Variants in RAC3 observed in about 807,000 individuals in gnomAD.
RAC3 encodes ras-related C3 botulinum toxin substrate 3.
RAC3 carries 9 observed loss-of-function variants against 19.0 expected under a neutral mutation model. That is an observed-to-expected ratio of 0.47 (90% CI 0.29 to 0.83). RAC3 has a LOEUF of 0.83. Ranked by LOEUF, RAC3 falls within the 40% of genes least tolerant of loss-of-function variation. The probability of loss-of-function intolerance (pLI) is 0.09; values close to 1 mark genes in which losing one functional copy is unlikely to be tolerated. For missense variants in RAC3, 203 were observed against 260.8 expected, an observed-to-expected ratio of 0.78 and a Z score of 1.53; for synonymous variants, 146 against 111.8, an observed-to-expected ratio of 1.31 and a Z score of -1.93.
chr17:82,032,367 G>C lies in RAC3; in HGVS notation c.36-20G>C. 1 of 1,612,144 alleles carries C rather than the reference G, an allele frequency of 6.2e-7. No homozygotes were observed. The stretch of plus-strand genomic sequence containing the variant: ...GTCCGAGGCCGGGCCCGGGAGCCAC[G>C]TGGCTTGCCCTGTCCGCAGCGCCGT... On this transcript the variant is annotated intron_variant, in intron 1 of 5. Transcript: ENST00000306897.
At position 82,033,129 on chromosome 17, in the gene RAC3, G is replaced by T; in HGVS notation, c.288+120G>T. ...GCCTGGGGTAGGCACACGGAGTGGG[G>T]TCTGAAGATGACCATGGGGGCTGAT... is the stretch of plus-strand genomic sequence containing the variant. On this transcript the variant is annotated intron_variant, in intron 4 of 5. Transcript: ENST00000306897. This position sits in a 1 kb window ranked among gnomAD's most constrained non-coding sequence, Gnocchi z 6.2. 8.7e-7 allele frequency: 1 copy of T among 1,147,404 alleles called. No homozygotes were observed. Among genetic ancestry groups the T allele is most frequent in the Non-Finnish European group, 1.3e-6 (1 of 783,828 alleles). The allele number at this position is 1,147,404 out of a possible 1,614,324, so 71.1% of individuals were successfully genotyped here.
rs1598459735 is a variant in RAC3 at position 82,034,005 on chromosome 17, TG to T, written c.*180del. The T allele has an allele frequency of 2.5e-6, 2 of 808,612 alleles. No homozygotes were observed. Among genetic ancestry groups the T allele is most frequent in the Admixed American group, 6.4e-5 (2 of 31,102 alleles). 50.1% of individuals were successfully genotyped at this position (808,612 alleles called of 1,614,324 possible). ...TCCTGTCCTCTCTGCCGCCTCATTCTGGGGTGTGGCTCCAGCCTTCCCTGGC... is the reference window on the plus strand; with the variant it reads ...TCCTGTCCTCTCTGCCGCCTCATTCTGGGTGTGGCTCCAGCCTTCCCTGGC... On this transcript the variant is annotated 3_prime_UTR_variant, in exon 6 of 6. Transcript: ENST00000306897.
At position 82,033,875 on chromosome 17, in the gene RAC3, G is replaced by T; in HGVS notation, c.*46G>T. ...TGAGGGCTGGCGGGGAGCAGCCCTG[G>T]ACGTGTCCGCTGTTGTGTTGAGACG... is the stretch of plus-strand genomic sequence containing the variant. On this transcript the variant is annotated 3_prime_UTR_variant, in exon 6 of 6. Transcript: ENST00000306897. This position sits in a 1 kb window ranked among gnomAD's most constrained non-coding sequence, Gnocchi z 6.2. The T allele has an allele frequency of 1.9e-6, 3 of 1,548,622 alleles. No individual in the cohort carries two copies. Among genetic ancestry groups the T allele is most frequent in the Non-Finnish European group, 2.6e-6 (3 of 1,145,148 alleles).
rs778919568 is a variant in RAC3, at chr17:82,033,026, G to A, written c.288+17G>A. On this transcript the variant is annotated intron_variant, in intron 4 of 5. Coordinates refer to ENST00000306897, the MANE Select transcript of RAC3 (RefSeq NM_005052.3). This position sits in a 1 kb window ranked among gnomAD's most constrained non-coding sequence, Gnocchi z 6.2. The stretch of plus-strand genomic sequence containing the variant: ...CGTGCCAAGGTAGGGCAAGGCTGGG[G>A]GCCCCTGTGGGGAGAGGGCTTGCCC... The A allele has an allele frequency of 6.2e-7, 1 of 1,608,880 alleles. No homozygotes were observed. The highest frequency in any genetic ancestry group is 8.5e-7 in the Non-Finnish European group (1 of 1,176,376).
intron 1 of RAC3, 116 bp from the exon 2 acceptor site, chr17:82,032,271 C>T (rs976384899): frequency 3.2e-6 from 3 of 935,152 alleles, no homozygotes; most frequent in Middle Eastern, 3.1e-4. Context: ...GGCTGGGTCC[C>T]CCTCTCGACC....
chr17:82,032,056 C>T (rs1215813806), intron 1 of RAC3: 2 of 271,514 alleles, frequency 7.4e-6, no homozygotes, highest in African/African-American at 4.5e-5. Flanking sequence ...GGGCCGCCGC[C>T]CTGTCCTCCC....
chr17:82,032,646 G>A lies in RAC3; in HGVS notation c.108-65G>A, dbSNP rs76131134. The A allele has an allele frequency of 1.2e-3, 1,767 of 1,511,156 alleles. 15 individuals are homozygous for A. The African/African-American group carries it at 0.021, about 18-fold the overall frequency. The allele number at this position is 1,511,156 out of a possible 1,614,324, so 93.6% of individuals were successfully genotyped here. A position where few individuals can be genotyped will look rare whatever the true frequency, so the allele number is the denominator to read the frequency against. On this transcript the variant is annotated intron_variant, in intron 2 of 5. Transcript: ENST00000306897. ...CAGACTTGTGAACCCCAAGACACAG[G>A]CCAGCAGGGCTGGGGGTTTCTGGGA...
intron 1 of RAC3, 76 bp from the exon 2 acceptor site, chr17:82,032,311 G>C: frequency 6.8e-7 from 1 of 1,472,668 alleles, no homozygotes; most frequent in Admixed American, 1.7e-5. Context: ...CTCTGGCTCC[G>C]GGAGAGGGGG....
rs2043439516 is a variant in RAC3 at position 82,032,374 on chromosome 17, G to A, written c.36-13G>A. The A allele has an allele frequency of 3.7e-6, 6 of 1,612,218 alleles. No individual in the cohort carries two copies. Among genetic ancestry groups the A allele is most frequent in the African/African-American group, 1.3e-5 (1 of 75,012 alleles). On this transcript the variant is annotated splice_polypyrimidine_tract_variant and intron_variant, in intron 1 of 5. Transcript: ENST00000306897. ...GCCGGGCCCGGGAGCCACGTGGCTT[G>A]CCCTGTCCGCAGCGCCGTGGGGAAG...
At position 82,033,124 on chromosome 17, in the gene RAC3, G is replaced by C; in HGVS notation, c.288+115G>C. ...GTTCTGCCTGGGGTAGGCACACGGA[G>C]TGGGGTCTGAAGATGACCATGGGGG... On this transcript the variant is annotated intron_variant, in intron 4 of 5. Coordinates refer to ENST00000306897, the MANE Select transcript of RAC3 (RefSeq NM_005052.3). The surrounding 1 kb of genome is among the most constrained non-coding windows in gnomAD (Gnocchi z 6.2). The C allele has an allele frequency of 8.3e-7, 1 of 1,210,898 alleles. No homozygotes were observed. Among genetic ancestry groups the C allele is most frequent in the Non-Finnish European group, 1.2e-6 (1 of 837,470 alleles). 75.0% of individuals were successfully genotyped at this position (1,210,898 alleles called of 1,614,324 possible).
chr17:82,032,177 C>G, intron 1 of RAC3: 1 of 587,050 alleles, frequency 1.7e-6, no homozygotes. Context: ...TGTGGGGCGC[C>G]CTGCGCCCTT....
intron 2 of RAC3, 108 bp downstream of exon 2, chr17:82,032,566 T>C (rs2043441525): frequency 2.0e-6 from 3 of 1,464,018 alleles, no homozygotes; most frequent in Non-Finnish European, 2.9e-6. Flanking sequence ...CAGGTGGCCC[T>C]GTCTCTGGGC....
In RAC3 at chr17:82,033,609, C is replaced by T. The variant is rs375663743; in HGVS notation, c.448+10C>T. 4 of 1,605,716 alleles carry T rather than the reference C, an allele frequency of 2.5e-6. No individual in the cohort carries two copies. The highest frequency in any genetic ancestry group is 3.4e-6 in the Non-Finnish European group (4 of 1,175,060). On this transcript the variant is annotated intron_variant, in intron 5 of 5. Coordinates refer to ENST00000306897, the MANE Select transcript of RAC3 (RefSeq NM_005052.3). The surrounding 1 kb of genome is among the most constrained non-coding windows in gnomAD (Gnocchi z 6.2). ...ATGGCCCGGGAGATTGGTGGGTAGG[C>T]GCTGGCGGCCTGCAGGGGAGGGGTG...
At chr17:82,032,494 T>G in intron 2 of RAC3, 36 bp downstream of exon 2, 1 of 1,604,130 alleles carries the variant, frequency 6.2e-7, no homozygotes, top group Non-Finnish European at 8.5e-7. Context: ...GCACAGGCCC[T>G]CCGTGTGAGT....
chr17:82,032,512 G>A, intron 2 of RAC3, 54 bp downstream of exon 2: 1 of 1,581,502 alleles, frequency 6.3e-7, no homozygotes, highest in South Asian at 1.1e-5. Flanking sequence ...AGTGTGGCAT[G>A]GGGGGGACAC....
In RAC3 at chr17:82,033,937, G is replaced by A. The variant is rs2043458363; in HGVS notation, c.*108G>A. On this transcript the variant is annotated 3_prime_UTR_variant, in exon 6 of 6. Coordinates refer to ENST00000306897, the MANE Select transcript of RAC3 (RefSeq NM_005052.3). This position sits in a 1 kb window ranked among gnomAD's most constrained non-coding sequence, Gnocchi z 6.2. ...TGAGTCGGCTGTGGGGAGCGGTGGG[G>A]GTGGGCCGGGGGGAAGCATGGGGAT... The A allele has an allele frequency of 2.1e-6, 3 of 1,401,048 alleles. No homozygotes were observed. 86.8% of individuals were successfully genotyped at this position (1,401,048 alleles called of 1,614,324 possible).
chr17:82,032,893 G>T (rs971729215), intron 3 of RAC3, 54 bp from the exon 4 acceptor site: 7 of 1,609,174 alleles, frequency 4.4e-6, no homozygotes, highest in Non-Finnish European at 4.3e-6. Context: ...AAGGGAGGGA[G>T]CAGGGCCCTG....
rs1209219278 is a variant in RAC3, at chr17:82,033,703, T to G, written c.453T>G (p.Ser151=). 6.2e-7 allele frequency: 1 copy of G among 1,612,432 alleles called. No homozygotes were observed. The highest frequency in any genetic ancestry group is 2.2e-5 in the East Asian group (1 of 44,836). ...QGLAMAREIG[S]VKYLECSALT... ...TCCCCTCCTCACTGCCGCTAGGCTC[T>G]GTGAAATACCTGGAGTGCTCAGCCC... Residue 151 remains serine (S), a synonymous_variant, in exon 6 of 6, where the codon TCT becomes TCG. Transcript: ENST00000306897. This position sits in a 1 kb window ranked among gnomAD's most constrained non-coding sequence, Gnocchi z 6.2.
In RAC3 at chr17:82,032,383, G is replaced by T; in HGVS notation, c.36-4G>T. ...GGGAGCCACGTGGCTTGCCCTGTCC[G>T]CAGCGCCGTGGGGAAGACATGCTTG... On this transcript the variant is annotated splice_region_variant and splice_polypyrimidine_tract_variant and intron_variant, in intron 1 of 5. Transcript: ENST00000306897. The T allele has an allele frequency of 6.2e-7, 1 of 1,612,430 alleles. No individual in the cohort carries two copies. Among genetic ancestry groups the T allele is most frequent in the Non-Finnish European group, 8.5e-7 (1 of 1,179,818 alleles).
Sources: gnomAD v4.1 joint callset for allele counts on GRCh38, gnomAD v4.1.1 for gene constraint, Gnocchi (gnomAD v3.1) non-coding constraint, MANE v1.5 for transcripts, NCBI Gene and HGNC (gene_info 2026-07-23, HGNC 2026-07-21) for gene names.